Variants in COMMD10 observed in about 807,000 individuals in gnomAD.
COMMD10 encodes the protein COMM domain containing 10, also known as COMM domain-containing protein 10.
In COMMD10, 33 loss-of-function variants were observed where a neutral mutation model predicts 28.9. That is an observed-to-expected ratio of 1.14 (90% CI 0.87 to 1.53). The LOEUF (loss-of-function observed/expected upper bound fraction) is 1.53, where lower values mean the gene tolerates loss of function less well. Among genes scored for constraint, COMMD10 ranks in the 40% most tolerant of loss-of-function variants. COMMD10 has a pLI of 0.00. For missense variants in COMMD10, 310 were observed against 233.4 expected (o/e 1.33, Z -2.14); for synonymous variants, 110 against 81.7 (o/e 1.35, Z -1.87).
intron 5 of COMMD10, among the ~76,000 whole-genome samples, chr5:116,180,161 G>A (rs1237959948): frequency 1.3e-5 from 2 of 152,020 alleles, no homozygotes; most frequent in Non-Finnish European, 2.9e-5. Flanking sequence ...TATATCTGTT[G>A]TATACACTTA....
chr5:116,101,745 A>G (rs1051831550), intron 4 of COMMD10, among the ~76,000 whole-genome samples: 3 of 152,178 alleles, frequency 2.0e-5, no homozygotes, highest in African/African-American at 7.2e-5. Context: ...TTTAATAGCC[A>G]TTCTGACTAG....
chr5:116,291,517 A>T lies in COMMD10; in HGVS notation c.511A>T (p.Ser171Cys), dbSNP rs1208063014. The change falls in exon 6 of 7, where the codon AGC becomes TGC. Residue 171 changes from serine to cysteine, a missense_variant and splice_region_variant. Transcript: ENST00000274458. ...TTTTTGTTGTTTTTCTTCCTTACAG[A>T]GCCTGGAGAAAGTTCTTGTGGAATT... ...QLGVNNEDSK[S>C]LEKVLVEFSH... The T allele has an allele frequency of 6.3e-7, 1 of 1,598,158 alleles. No individual in the cohort carries two copies. Among genetic ancestry groups the T allele is most frequent in the Non-Finnish European group, 8.5e-7 (1 of 1,169,786 alleles).
chr5:116,119,214 A>C lies in COMMD10; in HGVS notation c.400-14854A>C, dbSNP rs148719169. On this transcript the variant is annotated intron_variant, in intron 4 of 6. Transcript: ENST00000274458. ...GGTACTTTGGTCAAGTCTGTGGGTC[A>C]AGGGATATAATTAAGTTCCTTGTCA... 8.8e-3 allele frequency among the ~76,000 whole-genome samples: 1,347 copies of C among 152,304 alleles called. 27 individuals carry two copies. The highest frequency in any genetic ancestry group is 0.031 in the African/African-American group (1,287 of 41,546).
chr5:116,215,929 A>G (rs1461723495), intron 5 of COMMD10, among the ~76,000 whole-genome samples: 1 of 151,814 alleles, frequency 6.6e-6, no homozygotes, highest in Non-Finnish European at 1.5e-5. Flanking sequence ...ACCTAGAAGG[A>G]AAATAATGTT....
At chr5:116,091,927 C>A (rs1217301742) in intron 3 of COMMD10, among the ~76,000 whole-genome samples, 1 of 152,120 alleles carries the variant, frequency 6.6e-6, no homozygotes, top group Admixed American at 6.6e-5. Flanking sequence ...GACAAGCTAC[C>A]AGTTATCTAC....
chr5:116,240,863 A>G (rs1749791102), intron 5 of COMMD10, among the ~76,000 whole-genome samples: 1 of 152,226 alleles, frequency 6.6e-6, no homozygotes, highest in Non-Finnish European at 1.5e-5. Flanking sequence ...GCAATGGTGA[A>G]CTATTTATAA....
intron 5 of COMMD10, among the ~76,000 whole-genome samples, chr5:116,171,869 C>G (rs973699181): frequency 6.6e-6 from 1 of 152,058 alleles, no homozygotes; most frequent in Non-Finnish European, 1.5e-5. Flanking sequence ...GGAGAAATAC[C>G]TAATGTAGAT....
At chr5:116,091,341 A>G (rs979218985) in intron 3 of COMMD10, 152 bp downstream of exon 3, 1 of 476,324 alleles carries the variant, frequency 2.1e-6, no homozygotes, top group African/African-American at 2.0e-5. Context: ...GTGTAAAAAT[A>G]TTTGAATATT....
intron 5 of COMMD10, among the ~76,000 whole-genome samples, chr5:116,184,314 C>CT (rs35164348): frequency 1.1e-3 from 157 of 144,528 alleles, no homozygotes; most frequent in African/African-American, 3.9e-3. Context: ...TATATCTGAC[C>CT]TTTTTTTTTT....
chr5:116,116,972 C>T (rs1380666671), intron 4 of COMMD10, among the ~76,000 whole-genome samples: 1 of 152,164 alleles, frequency 6.6e-6, no homozygotes, highest in Non-Finnish European at 1.5e-5. Context: ...CAACCTCATC[C>T]TCACTTTTTT....
chr5:116,236,515 A>G (rs1348580890), intron 5 of COMMD10, among the ~76,000 whole-genome samples: 1 of 151,846 alleles, frequency 6.6e-6, no homozygotes, highest in Non-Finnish European at 1.5e-5. Context: ...AAAAAAAAAA[A>G]AAAAAAAAAG....
chr5:116,101,572 G>A lies in COMMD10; in HGVS notation c.399+8872G>A, dbSNP rs962163286. 3.9e-5 allele frequency among the ~76,000 whole-genome samples: 6 copies of A among 151,972 alleles called. No individual in the cohort carries two copies. In the East Asian group the frequency reaches 5.8e-4, roughly 15 times the overall value. ...CTCCTGAGTAGCTGGGATTACAGGC[G>A]CACACCACCACGCCCGGCTAATTTT... is the stretch of plus-strand genomic sequence containing the variant. On this transcript the variant is annotated intron_variant, in intron 4 of 6. Coordinates refer to ENST00000274458, the MANE Select transcript of COMMD10 (RefSeq NM_016144.4).
intron 5 of COMMD10, among the ~76,000 whole-genome samples, chr5:116,249,791 G>C (rs1392176811): frequency 6.6e-6 from 1 of 151,824 alleles, no homozygotes; most frequent in Non-Finnish European, 1.5e-5. Flanking sequence ...TATGCTTCTT[G>C]TTATATTTGT....
intron 4 of COMMD10, among the ~76,000 whole-genome samples, chr5:116,118,983 A>T (rs912966974): frequency 8.5e-5 from 13 of 152,226 alleles, no homozygotes; most frequent in African/African-American, 3.1e-4. Context: ...AAAGATGTGC[A>T]TTTGTTAAAT....
At chr5:116,162,577 T>C (rs1752951554) in intron 5 of COMMD10, among the ~76,000 whole-genome samples, 1 of 152,200 alleles carries the variant, frequency 6.6e-6, no homozygotes, top group Admixed American at 6.5e-5. Flanking sequence ...CATAAATAGA[T>C]TTTCTCTTTT....
At chr5:116,272,463 C>T (rs1227153579) in intron 5 of COMMD10, among the ~76,000 whole-genome samples, 6 of 151,806 alleles carry the variant, frequency 4.0e-5, no homozygotes, top group Non-Finnish European at 1.5e-5. Context: ...AAAACACTTT[C>T]ATAATAAGCA....
intron 4 of COMMD10, among the ~76,000 whole-genome samples, chr5:116,106,272 A>C (rs1370690140): frequency 6.6e-6 from 1 of 152,060 alleles, no homozygotes; most frequent in Non-Finnish European, 1.5e-5. Context: ...CAGGTTGTTC[A>C]GTTTCCATGT....
At chr5:116,222,713 A>G (rs533346255) in intron 5 of COMMD10, among the ~76,000 whole-genome samples, 18 of 152,270 alleles carry the variant, frequency 1.2e-4, no homozygotes, top group Non-Finnish European at 2.4e-4. Flanking sequence ...ATTTTTTGAG[A>G]GGGAGTCTTG....
intron 4 of COMMD10, among the ~76,000 whole-genome samples, chr5:116,131,012 A>G (rs1485603422): frequency 6.6e-6 from 1 of 151,990 alleles, no homozygotes; most frequent in African/African-American, 2.4e-5. Context: ...AGGCTAACTC[A>G]TGGCAATATT....
Sources: gnomAD v4.1 joint callset for allele counts (sites outside exome capture counted in the v4.1 genomes callset) on GRCh38, gnomAD v4.1.1 for gene constraint, MANE v1.5 for transcripts, NCBI Gene and HGNC (gene_info 2026-07-23, HGNC 2026-07-21) for gene names.